The following TRPM2 variants were observed in gnomAD, a reference collection of about 807,000 sequenced individuals.
TRPM2 encodes transient receptor potential cation channel subfamily M member 2.
In TRPM2, 161 loss-of-function variants were observed where a neutral mutation model predicts 174.0. The ratio of observed to expected loss-of-function variants is 0.93; its 90% confidence interval spans 0.81 to 1.05. The LOEUF (loss-of-function observed/expected upper bound fraction) is 1.05. Among genes scored for constraint, TRPM2 ranks in the 50% least tolerant of loss-of-function variants. The probability of loss-of-function intolerance (pLI) is 0.00; values close to 1 mark genes in which losing one functional copy is unlikely to be tolerated. For synonymous variants in TRPM2, 954 were observed against 861.3 expected, an observed-to-expected ratio of 1.11 and a Z score of -1.88; for missense variants, 2,057 against 2,038.0, an observed-to-expected ratio of 1.01 and a Z score of -0.18.
intron 26 of TRPM2, 69 bp from the exon 27 acceptor site, chr21:44,426,941 C>A (rs898406488): frequency 7.5e-6 from 11 of 1,474,596 alleles, no homozygotes; most frequent in Non-Finnish European, 9.2e-6. Flanking sequence ...GGGGGGTGAT[C>A]CCTCTGCCTG....
Position 44,369,224 on chromosome 21 carries a change from G to T in TRPM2, c.652G>T (p.Val218Leu). 3.7e-6 allele frequency: 6 copies of T among 1,613,584 alleles called. No individual in the cohort carries two copies. The highest frequency in any genetic ancestry group is 5.1e-6 in the Non-Finnish European group (6 of 1,179,868). Residue 218 changes from valine (V) to leucine (L), a missense_variant, in exon 5 of 32, where the codon GTA becomes TTA. Val to Leu is a conservative substitution (Grantham distance 32, BLOSUM62 1). Coordinates refer to ENST00000397928, the MANE Select transcript of TRPM2 (RefSeq NM_003307.4). The stretch of plus-strand genomic sequence containing the variant: ...GTCCCACACCGGCGTCATGAAGCAG[G>T]TAGGCGAGGCGGTGCGGGACTTCAG... ...GGSHTGVMKQ[V>L]GEAVRDFSLS...
intron 28 of TRPM2, among the ~76,000 whole-genome samples, chr21:44,435,994 A>G (rs1427184188): frequency 1.4e-5 from 2 of 140,142 alleles, no homozygotes; most frequent in African/African-American, 5.5e-5. Flanking sequence ...ACACAGCCCC[A>G]CACTCACCCC....
At chr21:44,424,555 C>T (rs2050680749) in intron 23 of TRPM2, among the ~76,000 whole-genome samples, 1 of 152,202 alleles carries the variant, frequency 6.6e-6, no homozygotes, top group South Asian at 2.1e-4. Flanking sequence ...CATGCTGGCT[C>T]CATCCTCTGG....
At chr21:44,381,571 T>G (rs1184464947) in intron 8 of TRPM2, among the ~76,000 whole-genome samples, 4 of 150,690 alleles carry the variant, frequency 2.7e-5, no homozygotes, top group Non-Finnish European at 5.9e-5. Context: ...ATAGGTAGAT[T>G]AGATGGATGG....
At chr21:44,406,911 T>C in intron 19 of TRPM2, 146 bp downstream of exon 19, 2 of 1,092,926 alleles carry the variant, frequency 1.8e-6, no homozygotes, top group South Asian at 1.6e-5. Context: ...CTGGGGGCAT[T>C]CATTCCCCAG....
intron 16 of TRPM2, among the ~76,000 whole-genome samples, chr21:44,402,735 GAATCC>G (rs2049666846): frequency 6.6e-6 from 1 of 152,174 alleles, no homozygotes; most frequent in African/African-American, 2.4e-5. Context: ...CAGGTGGGGC[GAATCC>G]CTTACTGTGT....
intron 24 of TRPM2, 37 bp downstream of exon 24, chr21:44,424,976 C>A: frequency 3.9e-6 from 6 of 1,549,072 alleles, no homozygotes; most frequent in East Asian, 2.3e-5. Flanking sequence ...GGTCTCCAGC[C>A]GCCTGTTTCT....
intron 27 of TRPM2, among the ~76,000 whole-genome samples, chr21:44,431,249 T>A (rs2051011473): frequency 6.6e-6 from 1 of 152,068 alleles, no homozygotes; most frequent in South Asian, 2.1e-4. Flanking sequence ...GGATTTTATT[T>A]TTTACTTTAT....
intron 14 of TRPM2, 118 bp from the exon 15 acceptor site, chr21:44,400,141 G>A: frequency 1.3e-6 from 1 of 786,906 alleles, no homozygotes; most frequent in Non-Finnish European, 2.0e-6. Context: ...ACTTTCTGCT[G>A]TGAGACTGCA....
At chr21:44,375,403 G>A (rs1018016415) in intron 5 of TRPM2, among the ~76,000 whole-genome samples, 1 of 152,238 alleles carries the variant, frequency 6.6e-6, no homozygotes, top group African/African-American at 2.4e-5. Context: ...TCCTGTGGCT[G>A]CCGTAACAAA....
At chr21:44,431,017 A>G (rs1304112800) in intron 27 of TRPM2, among the ~76,000 whole-genome samples, 2 of 151,356 alleles carry the variant, frequency 1.3e-5, no homozygotes, top group South Asian at 2.1e-4. Flanking sequence ...TCTTTTCAAA[A>G]AACTAACTTT....
rs2051474735 is a variant in TRPM2 at position 44,440,862 on chromosome 21, A to G, written c.4343A>G (p.His1448Arg). Residue 1448 changes from histidine (H) to arginine (R), a missense_variant, in exon 31 of 32, where the codon CAC (histidine) becomes CGC (arginine). By Grantham distance (29) the His-to-Arg change is conservative. Coordinates refer to ENST00000397928, the MANE Select transcript of TRPM2 (RefSeq NM_003307.4). Reference sequence around the variant, plus strand: ...ATCGAGACGGTGGCCGTCAGCGTCCACTTCCAGGACCAGAATGACGTGGAG... The same window carrying G: ...ATCGAGACGGTGGCCGTCAGCGTCCGCTTCCAGGACCAGAATGACGTGGAG... ...AWIETVAVSVHFQDQNDVELN... is the reference protein window; with the variant it reads ...AWIETVAVSVRFQDQNDVELN... 2 of 1,613,800 alleles carry G rather than the reference A, an allele frequency of 1.2e-6. No individual in the cohort carries two copies. The highest frequency in any genetic ancestry group is 1.7e-6 in the Non-Finnish European group (2 of 1,179,990).
At position 44,418,492 on chromosome 21, in the gene TRPM2, TC is replaced by T; in HGVS notation, c.3400del (p.Gln1134ArgfsTer34). 1.2e-6 allele frequency: 2 copies of T among 1,613,954 alleles called. No homozygotes were observed. Among genetic ancestry groups the T allele is most frequent in the Non-Finnish European group, 1.7e-6 (2 of 1,179,986 alleles). On this transcript the variant is annotated frameshift_variant, in exon 22 of 32. Transcript: ENST00000397928. LOFTEE classifies it high-confidence loss of function. ...GAGATCTACCTGAAGGAGAACTACC[TC>T]CAGAACCGACAGTTCCAGCAAAAGC... Reference protein sequence around the residue: ...SWEIYLKENYLQNRQFQQKQR... With the variant: ...SWEIYLKENYXQNRQFQQKQR...
intron 2 of TRPM2, among the ~76,000 whole-genome samples, chr21:44,363,021 C>T (rs2048262342): frequency 6.6e-6 from 1 of 152,246 alleles, no homozygotes; most frequent in African/African-American, 2.4e-5. Flanking sequence ...ATCCACCTGC[C>T]TCAGCTTCCC....
In TRPM2 at chr21:44,399,451, C is replaced by G; in HGVS notation, c.2208+10C>G. The stretch of plus-strand genomic sequence containing the variant: ...TCACGGGGGCATCCAGGTGACCTCC[C>G]AAGAGCCCCTTCCAGAAACAGACGC... On this transcript the variant is annotated intron_variant, in intron 14 of 31. Transcript: ENST00000397928. This position sits in a 1 kb window ranked among gnomAD's most constrained non-coding sequence, Gnocchi z 4.6. 5.6e-6 allele frequency: 9 copies of G among 1,607,026 alleles called. No individual in the cohort carries two copies. The highest frequency in any genetic ancestry group is 7.6e-6 in the Non-Finnish European group (9 of 1,176,652).
chr21:44,374,332 A>T (rs1425708511), intron 5 of TRPM2, among the ~76,000 whole-genome samples: 1 of 152,160 alleles, frequency 6.6e-6, no homozygotes, highest in East Asian at 1.9e-4. Flanking sequence ...TTTCTAAGGC[A>T]GCGGTCCCCA....
chr21:44,359,583 TAG>T (rs2048152882), intron 2 of TRPM2, among the ~76,000 whole-genome samples: 3 of 151,690 alleles, frequency 2.0e-5, no homozygotes, highest in African/African-American at 7.3e-5. Context: ...CATCTGGTTT[TAG>T]AGTTTTTTTG....
chr21:44,413,922 C>T lies in TRPM2; in HGVS notation c.2994C>T (p.Pro998=), dbSNP rs1412401542. The change falls in exon 20 of 32, where the codon CCC becomes CCT. Residue 998 remains proline (P), a synonymous_variant. Coordinates refer to ENST00000397928, the MANE Select transcript of TRPM2 (RefSeq NM_003307.4). ...ACTTCAACCCGGAGCACTGCAGCCC[C>T]AATGGCACCGACCCCTACAAGCCTA... ...GVNFNPEHCS[P]NGTDPYKPKC... The T allele has an allele frequency of 1.2e-6, 2 of 1,613,904 alleles. No individual in the cohort carries two copies. Among genetic ancestry groups the T allele is most frequent in the South Asian group, 2.2e-5 (2 of 91,080 alleles).
rs375502010 is a variant in TRPM2 at position 44,424,892 on chromosome 21, C to T, written c.3590C>T (p.Thr1197Met). The T allele has an allele frequency of 2.5e-5, 40 of 1,608,110 alleles. No homozygotes were observed. The highest frequency in any genetic ancestry group is 1.9e-4 in the Middle Eastern group (1 of 5,378). ...CAAGCCCTGCACTGGATCGTGAGGA[C>T]GCTGCGGGCCAGCGGCTTCAGCTCG... is the stretch of plus-strand genomic sequence containing the variant. ...TAQALHWIVRTLRASGFSSEA... is the reference protein window; with the variant it reads ...TAQALHWIVRMLRASGFSSEA... Residue 1197 changes from threonine to methionine, a missense_variant, in exon 24 of 32, where the codon ACG becomes ATG. Coordinates refer to ENST00000397928, the MANE Select transcript of TRPM2 (RefSeq NM_003307.4).
Sources: allele counts gnomAD v4.1 joint callset (sites outside exome capture counted in the v4.1 genomes callset), GRCh38; gene constraint gnomAD v4.1.1; non-coding constraint Gnocchi (gnomAD v3.1); transcripts MANE v1.5; gene names NCBI Gene and HGNC (gene_info 2026-07-23, HGNC 2026-07-21).